The following PPM1L variants were observed in gnomAD, a reference collection of about 807,000 sequenced individuals.
PPM1L encodes the protein protein phosphatase 1L.
A neutral mutation model predicts 31.4 loss-of-function variants in PPM1L; 13 were observed. The ratio of observed to expected loss-of-function variants is 0.41; its 90% confidence interval spans 0.27 to 0.66. The LOEUF is 0.66. Among genes scored for constraint, PPM1L ranks in the 30% least tolerant of loss-of-function variants. The pLI is 0.29. For missense variants in PPM1L, 326 were observed against 453.7 expected (o/e 0.72, Z 2.56); for synonymous variants, 184 against 175.4 (o/e 1.05, Z -0.39).
At chr3:160,934,504 G>GA (rs1347066090) in intron 1 of PPM1L, among the ~76,000 whole-genome samples, 4 of 151,896 alleles carry the variant, frequency 2.6e-5, no homozygotes, top group African/African-American at 9.7e-5. Context: ...CTTAGAGAAG[G>GA]AAAAAAATGT....
At chr3:161,015,727 T>C (rs1718066362) in intron 2 of PPM1L, among the ~76,000 whole-genome samples, 1 of 152,240 alleles carries the variant, frequency 6.6e-6, no homozygotes, top group South Asian at 2.1e-4. Context: ...CTAAGCTAGC[T>C]GTTGTTTGGA....
chr3:160,771,711 G>T (rs1715261608), intron 1 of PPM1L, among the ~76,000 whole-genome samples: 1 of 151,810 alleles, frequency 6.6e-6, no homozygotes, highest in Non-Finnish European at 1.5e-5. Context: ...TATTTTTGTA[G>T]TCAGTTTTAG....
intron 2 of PPM1L, among the ~76,000 whole-genome samples, chr3:160,990,175 GT>G (rs1280774198): frequency 6.6e-6 from 1 of 151,370 alleles, no homozygotes; most frequent in Non-Finnish European, 1.5e-5. Flanking sequence ...TTTTTTGTTT[GT>G]TTTTTGTAAA....
At chr3:160,991,530 AC>A (rs1717134869) in intron 2 of PPM1L, among the ~76,000 whole-genome samples, 1 of 152,204 alleles carries the variant, frequency 6.6e-6, no homozygotes. Flanking sequence ...GAAAATAGGA[AC>A]AGTTATACCT....
chr3:160,883,910 A>T (rs1026989765), intron 1 of PPM1L, among the ~76,000 whole-genome samples: 2 of 147,586 alleles, frequency 1.4e-5, no homozygotes, highest in Non-Finnish European at 1.5e-5. Flanking sequence ...ATTAAAAATT[A>T]AAAAAAAAAT....
At chr3:160,815,120 A>G (rs550211878) in intron 1 of PPM1L, among the ~76,000 whole-genome samples, 21 of 152,234 alleles carry the variant, frequency 1.4e-4, no homozygotes, top group East Asian at 1.4e-3. Flanking sequence ...GAACTTATCT[A>G]TATAATGAAA....
At chr3:161,056,122 G>C (rs1298418199) in intron 2 of PPM1L, among the ~76,000 whole-genome samples, 1 of 152,124 alleles carries the variant, frequency 6.6e-6, no homozygotes, top group Admixed American at 6.5e-5. Flanking sequence ...AAGGGAGTGA[G>C]GATCTTAATT....
At chr3:161,034,084 A>T (rs977867328) in intron 2 of PPM1L, among the ~76,000 whole-genome samples, 1 of 139,200 alleles carries the variant, frequency 7.2e-6, no homozygotes, top group African/African-American at 2.6e-5. Context: ...CAACAAACTT[A>T]TGAAAAAAAA....
intron 1 of PPM1L, among the ~76,000 whole-genome samples, chr3:160,784,194 A>G (rs925885960): frequency 1.3e-5 from 2 of 152,210 alleles, no homozygotes; most frequent in Admixed American, 6.5e-5. Flanking sequence ...ACAGATATAT[A>G]CTGATACCTA....
rs1471676658 is a variant in PPM1L at position 161,073,397 on chromosome 3, C to T, written c.*4240C>T. 6.6e-6 allele frequency: 1 copy of T among 152,114 alleles called. No homozygotes were observed. The highest frequency in any genetic ancestry group is 1.9e-4 in the East Asian group (1 of 5,194). The allele number at this position is 152,114 out of a possible 1,614,324, so 9.4% of individuals were successfully genotyped here. A position where few individuals can be genotyped will look rare whatever the true frequency, so the allele number is the denominator to read the frequency against. On this transcript the variant is annotated 3_prime_UTR_variant, in exon 4 of 4. Coordinates refer to ENST00000498165, the MANE Select transcript of PPM1L (RefSeq NM_139245.4). Reference sequence around the variant, plus strand: ...TGAAATATTGCTGTGTTTTCATTCACGATGACTCTTAGTAGCAGTACAATT... The same window carrying T: ...TGAAATATTGCTGTGTTTTCATTCATGATGACTCTTAGTAGCAGTACAATT...
intron 2 of PPM1L, among the ~76,000 whole-genome samples, chr3:161,046,824 A>G (rs999038871): frequency 2.6e-5 from 4 of 152,350 alleles, no homozygotes; most frequent in Non-Finnish European, 4.4e-5. Context: ...TATAAACAGA[A>G]CCAAAAACAA....
intron 1 of PPM1L, among the ~76,000 whole-genome samples, chr3:160,958,973 T>C (rs1298570859): frequency 6.6e-6 from 1 of 152,146 alleles, no homozygotes; most frequent in Non-Finnish European, 1.5e-5. Context: ...AAATAAGTTA[T>C]TATATAAAAA....
rs758472992 is a variant in PPM1L at position 161,008,342 on chromosome 3, T to A, written c.574+46432T>A. On this transcript the variant is annotated intron_variant, in intron 2 of 3. Transcript: ENST00000498165. ...GACAAGCCTTGCAGGGTTTCCCCAT[T>A]CAATCTATTAGAATTAGATCATATC... 5.5e-4 allele frequency among the ~76,000 whole-genome samples: 84 copies of A among 152,194 alleles called. 1 individual carries two copies. Among genetic ancestry groups the A allele is most frequent in the Non-Finnish European group, 1.5e-4 (10 of 68,036 alleles).
In PPM1L at chr3:160,922,098, C is replaced by G. The variant is rs567788657; in HGVS notation, c.400-39638C>G. ...GGCCAAGGCGGGCAGATCACGAGGT[C>G]AGGAGATCAAGACCATCCTGGCTAA... On this transcript the variant is annotated intron_variant, in intron 1 of 3. Coordinates refer to ENST00000498165, the MANE Select transcript of PPM1L (RefSeq NM_139245.4). Among the ~76,000 whole-genome samples the G allele has an allele frequency of 2.4e-4, 36 of 152,230 alleles. No individual in the cohort carries two copies. The South Asian group carries it at 6.4e-3, about 27-fold the overall frequency.
chr3:160,757,560 G>C (rs1021767412), intron 1 of PPM1L, among the ~76,000 whole-genome samples: 6 of 152,266 alleles, frequency 3.9e-5, no homozygotes, highest in Non-Finnish European at 8.8e-5. Context: ...CTGAGGCCCA[G>C]GTTTCCTGGA....
chr3:160,924,748 G>T (rs1172255231), intron 1 of PPM1L, among the ~76,000 whole-genome samples: 1 of 152,158 alleles, frequency 6.6e-6, no homozygotes, highest in African/African-American at 2.4e-5. Flanking sequence ...AAAATCTCCA[G>T]AGTAAAGGGA....
rs898068457 is a variant in PPM1L, at chr3:160,783,638, A to C, written c.399+26931A>C. Among the ~76,000 whole-genome samples, 10 of 151,950 alleles carry C rather than the reference A, an allele frequency of 6.6e-5. No individual in the cohort carries two copies. The South Asian group carries it at 1.9e-3, about 28-fold the overall frequency. On this transcript the variant is annotated intron_variant, in intron 1 of 3. Transcript: ENST00000498165. ...AAGAAAAAGAAAGAAAGAAAGAAAG[A>C]AATTAAATAATGGAGGTATCAAAAT...
At chr3:160,936,544 AGGGT>A (rs975525416) in intron 1 of PPM1L, among the ~76,000 whole-genome samples, 1 of 152,236 alleles carries the variant, frequency 6.6e-6, no homozygotes, top group Non-Finnish European at 1.5e-5. Flanking sequence ...AGTATTCCCA[AGGGT>A]GTATTTTGAA....
At chr3:161,048,936 G>T (rs1300897293) in intron 2 of PPM1L, among the ~76,000 whole-genome samples, 1 of 111,934 alleles carries the variant, frequency 8.9e-6, no homozygotes, top group African/African-American at 3.4e-5. Context: ...GTCGTGGGGT[G>T]GGGGGAGGGG....
Sources: allele counts gnomAD v4.1 joint callset (sites outside exome capture counted in the v4.1 genomes callset), GRCh38; gene constraint gnomAD v4.1.1; transcripts MANE v1.5; gene names NCBI Gene and HGNC (gene_info 2026-07-23, HGNC 2026-07-21).